The following ABTB3 variants were observed in gnomAD, a reference collection of about 807,000 sequenced individuals.
The protein encoded by ABTB3 is ankyrin repeat- and BTB/POZ domain-containing protein 3.
the ABTB3 span, among the ~76,000 whole-genome samples, chr12:107,358,188 A>G: frequency 3.4e-4 from 52 of 152,362 alleles, no homozygotes; most frequent in Middle Eastern, 3.4e-3. Flanking sequence ...TATAAAATAT[A>G]TAGCTTGTTA....
chr12:107,657,107 C>A, the ABTB3 span, among the ~76,000 whole-genome samples: 7 of 152,220 alleles, frequency 4.6e-5, no homozygotes, highest in Non-Finnish European at 8.8e-5. Flanking sequence ...ATTTGTGCAT[C>A]TATATGGACA....
the ABTB3 span, among the ~76,000 whole-genome samples, chr12:107,616,083 C>T: frequency 2.6e-5 from 4 of 152,138 alleles, no homozygotes. Flanking sequence ...TGACATGTCA[C>T]ACTGAGAGCT....
At chr12:107,386,356 A>G in the ABTB3 span, among the ~76,000 whole-genome samples, 14 of 152,220 alleles carry the variant, frequency 9.2e-5, no homozygotes, top group Non-Finnish European at 1.9e-4. Context: ...TACATGCCTC[A>G]GTGAGGGCAG....
the ABTB3 span, chr12:107,658,389 T>C: frequency 1.3e-5 from 2 of 152,476 alleles, no homozygotes; most frequent in African/African-American, 4.8e-5. Context: ...TAAACATGCA[T>C]CTGATAAGAT....
chr12:107,633,244 C>T, the ABTB3 span, among the ~76,000 whole-genome samples: 9 of 152,296 alleles, frequency 5.9e-5, no homozygotes, highest in East Asian at 9.7e-4. Flanking sequence ...CCTTCTACCA[C>T]GTGAGGACAT....
At chr12:107,382,452 C>T in the ABTB3 span, among the ~76,000 whole-genome samples, 2 of 152,118 alleles carry the variant, frequency 1.3e-5, no homozygotes, top group Non-Finnish European at 2.9e-5. Context: ...TGATTTTGCT[C>T]TCTGTTTGTC....
chr12:107,580,283 T>C, the ABTB3 span, among the ~76,000 whole-genome samples: 1 of 152,250 alleles, frequency 6.6e-6, no homozygotes, highest in Non-Finnish European at 1.5e-5. Flanking sequence ...TCATTATTTT[T>C]TCCAAAATCT....
the ABTB3 span, among the ~76,000 whole-genome samples, chr12:107,341,743 A>G: frequency 6.6e-6 from 1 of 152,148 alleles, no homozygotes; most frequent in African/African-American, 2.4e-5. Flanking sequence ...TGTAATCCCC[A>G]GTGTTGGAAG....
the ABTB3 span, among the ~76,000 whole-genome samples, chr12:107,509,719 G>A: frequency 6.6e-6 from 1 of 152,194 alleles, no homozygotes; most frequent in East Asian, 1.9e-4. Context: ...CATGCCTCTC[G>A]CAGAGGAATG....
At chr12:107,580,788 AC>A in the ABTB3 span, 14 of 1,491,980 alleles carry the variant, frequency 9.4e-6, no homozygotes, top group Non-Finnish European at 1.3e-5. Flanking sequence ...GCCGCTCCAG[AC>A]CCTGCGCTTG....
chr12:107,529,873 A>C, the ABTB3 span, among the ~76,000 whole-genome samples: 2 of 152,074 alleles, frequency 1.3e-5, no homozygotes, highest in Non-Finnish European at 2.9e-5. Context: ...TGCTTTTGAA[A>C]CTCAGTAGGG....
chr12:107,586,701 G>A, the ABTB3 span, among the ~76,000 whole-genome samples: 134 of 152,320 alleles, frequency 8.8e-4, no homozygotes, highest in African/African-American at 3.2e-3. Flanking sequence ...GTCAGAGACA[G>A]GCCGCGGAGC....
At chr12:107,437,394 CTTTTTTCT>C in the ABTB3 span, among the ~76,000 whole-genome samples, 96 of 85,246 alleles carry the variant, frequency 1.1e-3, no homozygotes, top group Non-Finnish European at 1.9e-4. Flanking sequence ...TTTTCTTTTT[CTTTTTTCT>C]TTTTTTTTTT....
the ABTB3 span, among the ~76,000 whole-genome samples, chr12:107,561,757 T>C: frequency 6.6e-6 from 1 of 152,196 alleles, no homozygotes; most frequent in African/African-American, 2.4e-5. Flanking sequence ...TATTAATTTA[T>C]CGGGTTCCTC....
the ABTB3 span, among the ~76,000 whole-genome samples, chr12:107,483,475 C>T: frequency 5.9e-5 from 9 of 152,330 alleles, no homozygotes; most frequent in East Asian, 7.7e-4. Context: ...ACATTGCAGA[C>T]GCTCCCTGCC....
At chr12:107,574,838 G>T in the ABTB3 span, among the ~76,000 whole-genome samples, 1 of 152,192 alleles carries the variant, frequency 6.6e-6, no homozygotes, top group African/African-American at 2.4e-5. Context: ...CATTTAAGAA[G>T]CACTGACCTA....
At chr12:107,618,307 C>T in the ABTB3 span, 1 of 1,613,888 alleles carries the variant, frequency 6.2e-7, no homozygotes, top group Non-Finnish European at 8.5e-7. Flanking sequence ...AAACTGAGGG[C>T]CCTGAGGGAG....
the ABTB3 span, among the ~76,000 whole-genome samples, chr12:107,334,018 C>T: frequency 6.6e-6 from 1 of 152,162 alleles, no homozygotes; most frequent in African/African-American, 2.4e-5. Context: ...AGTGTAAGGG[C>T]ACTGAGGTGG....
the ABTB3 span, among the ~76,000 whole-genome samples, chr12:107,518,059 G>A: frequency 4.4e-4 from 67 of 152,270 alleles, no homozygotes; most frequent in Middle Eastern, 3.4e-3. Flanking sequence ...AACCACAGTG[G>A]GATACCATCT....
Sources: allele counts gnomAD v4.1 joint callset (sites outside exome capture counted in the v4.1 genomes callset), GRCh38; gene constraint gnomAD v4.1.1; transcripts MANE v1.5; gene names NCBI Gene and HGNC (gene_info 2026-07-23, HGNC 2026-07-21).